Variants in TSPEAR observed in about 807,000 individuals in gnomAD.
TSPEAR encodes thrombospondin type laminin G domain and EAR repeats, also known as thrombospondin-type laminin G domain and EAR repeat-containing protein.
A neutral mutation model predicts 71.6 loss-of-function variants in TSPEAR; 69 were observed. The observed-to-expected ratio is 0.96, with a 90% CI of 0.79 to 1.18. TSPEAR has a LOEUF of 1.18. Ranked by LOEUF, TSPEAR falls within the 50% of genes most tolerant of loss-of-function variation. The probability of loss-of-function intolerance (pLI) is 0.00; values close to 1 mark genes in which losing one functional copy is unlikely to be tolerated. For synonymous variants in TSPEAR, 402 were observed against 387.2 expected, an observed-to-expected ratio of 1.04 and a Z score of -0.45; for missense variants, 971 against 894.9, an observed-to-expected ratio of 1.09 and a Z score of -1.09.
At chr21:44,585,012 G>T (rs1979246600) in intron 1 of TSPEAR, among the ~76,000 whole-genome samples, 1 of 152,104 alleles carries the variant, frequency 6.6e-6, no homozygotes, top group South Asian at 2.1e-4. Flanking sequence ...TTTAATGTCT[G>T]CTTATTTTTA....
chr21:44,667,829 A>G (rs1198524096), intron 1 of TSPEAR, among the ~76,000 whole-genome samples: 1 of 152,214 alleles, frequency 6.6e-6, no homozygotes, highest in East Asian at 1.9e-4. Context: ...TGATCATCTC[A>G]ATTGATATAG....
At chr21:44,539,079 C>T (rs2053149574) in intron 2 of TSPEAR, 1 of 719,774 alleles carries the variant, frequency 1.4e-6, no homozygotes, top group Non-Finnish European at 2.2e-6. Context: ...GGAGGGAGGA[C>T]AGGGGACCTA....
At chr21:44,657,239 G>C (rs1985204510) in intron 1 of TSPEAR, among the ~76,000 whole-genome samples, 1 of 151,992 alleles carries the variant, frequency 6.6e-6, no homozygotes, top group African/African-American at 2.4e-5. Context: ...TTTATTCATT[G>C]CCCACTGCTA....
At chr21:44,696,952 C>T (rs1555950608) in intron 1 of TSPEAR, among the ~76,000 whole-genome samples, 1 of 152,150 alleles carries the variant, frequency 6.6e-6, no homozygotes, top group African/African-American at 2.4e-5. Context: ...ACAACACACA[C>T]ACCCTTGAGA....
At chr21:44,697,670 T>C (rs1555950919) in intron 1 of TSPEAR, 1 of 1,613,144 alleles carries the variant, frequency 6.2e-7, no homozygotes. Flanking sequence ...GCCCGTCTGC[T>C]GCAAGCCCAT....
At chr21:44,590,695 G>A (rs1442661939) in intron 1 of TSPEAR, among the ~76,000 whole-genome samples, 2 of 152,182 alleles carry the variant, frequency 1.3e-5, no homozygotes, top group Non-Finnish European at 2.9e-5. Flanking sequence ...GCTGGCTGGA[G>A]CTAGGCCCCG....
At chr21:44,663,603 A>G (rs1985607916) in intron 1 of TSPEAR, among the ~76,000 whole-genome samples, 1 of 152,146 alleles carries the variant, frequency 6.6e-6, no homozygotes, top group Admixed American at 6.5e-5. Context: ...TTAAATTCAT[A>G]GAGCCAGCAT....
chr21:44,675,438 G>T (rs902775988), intron 1 of TSPEAR, among the ~76,000 whole-genome samples: 4 of 152,012 alleles, frequency 2.6e-5, no homozygotes, highest in Middle Eastern at 3.2e-3. Flanking sequence ...AATAATAAAG[G>T]CCATGTATGA....
chr21:44,586,685 AT>A (rs35346199), intron 1 of TSPEAR, among the ~76,000 whole-genome samples: 143,652 of 151,984 alleles, frequency 0.95, 68,040 homozygotes, highest in Non-Finnish European at 0.97. Context: ...AGATTTGCCC[AT>A]TCTGAGCCTT....
chr21:44,612,246 G>A lies in TSPEAR; in HGVS notation c.83-44241C>T. On this transcript the variant is annotated intron_variant, in intron 1 of 11. Coordinates refer to ENST00000323084, the MANE Select transcript of TSPEAR (RefSeq NM_144991.3). This position sits in a 1 kb window ranked among gnomAD's most constrained non-coding sequence, Gnocchi z 4.1. ...TGGCAGGTGGACAATTGCCAGGAAA[G>A]CTGCTGCGAGCCCCGCTCCTGTGCC... 1.9e-6 allele frequency: 3 copies of A among 1,613,656 alleles called. No homozygotes were observed. The highest frequency in any genetic ancestry group is 2.2e-5 in the East Asian group (1 of 44,882).
chr21:44,702,881 T>A, intron 1 of TSPEAR: 2 of 708,440 alleles, frequency 2.8e-6, no homozygotes, highest in Non-Finnish European at 4.8e-6. Flanking sequence ...CACGCACTAG[T>A]ACACACCGCA....
chr21:44,586,726 T>C (rs587671036), intron 1 of TSPEAR, among the ~76,000 whole-genome samples: 6 of 152,276 alleles, frequency 3.9e-5, no homozygotes, highest in African/African-American at 1.2e-4. Context: ...CCAGGTTTCG[T>C]ACCAGGGATG....
rs182197487 is a variant in TSPEAR, at chr21:44,555,965, A to G, written c.303+11820T>C. Among the ~76,000 whole-genome samples, 7 of 152,382 alleles carry G rather than the reference A, an allele frequency of 4.6e-5. No homozygotes were observed. In the East Asian group the frequency reaches 7.7e-4, roughly 17 times the overall value. On this transcript the variant is annotated intron_variant, in intron 2 of 11. Coordinates refer to ENST00000323084, the MANE Select transcript of TSPEAR (RefSeq NM_144991.3). ...TGCCATCGAAACTGCAAAGGAGTAA[A>G]TGACTGCTGGGACAAGTTAATAGAT...
chr21:44,604,892 A>AT (rs1981212477), intron 1 of TSPEAR, among the ~76,000 whole-genome samples: 1 of 152,148 alleles, frequency 6.6e-6, no homozygotes, highest in Non-Finnish European at 1.5e-5. Flanking sequence ...ACATTTATTG[A>AT]TTTATATATG....
chr21:44,657,200 T>C (rs1985201154), intron 1 of TSPEAR, among the ~76,000 whole-genome samples: 1 of 152,248 alleles, frequency 6.6e-6, no homozygotes, highest in Admixed American at 6.5e-5. Context: ...TATGGAATTA[T>C]TTCATGCATT....
At chr21:44,668,134 C>T (rs1385549294) in intron 1 of TSPEAR, among the ~76,000 whole-genome samples, 6 of 152,154 alleles carry the variant, frequency 3.9e-5, no homozygotes, top group African/African-American at 1.2e-4. Flanking sequence ...TCACAGATGA[C>T]ATGATTTTTA....
At chr21:44,699,091 G>T (rs554873340) in intron 1 of TSPEAR, among the ~76,000 whole-genome samples, 1 of 152,154 alleles carries the variant, frequency 6.6e-6, no homozygotes, top group East Asian at 1.9e-4. Context: ...CCACCTACCC[G>T]GGAAGCGGAA....
intron 2 of TSPEAR, 140 bp from the exon 3 acceptor site, chr21:44,534,063 G>A (rs940853715): frequency 1.5e-4 from 98 of 646,570 alleles, no homozygotes; most frequent in Admixed American, 7.7e-4. Flanking sequence ...GTGAGGGGGC[G>A]CGGTGGATGG....
intron 1 of TSPEAR, chr21:44,677,161 G>C (rs1284396405): frequency 1.4e-6 from 1 of 715,456 alleles, no homozygotes; most frequent in Non-Finnish European, 2.6e-6. Flanking sequence ...TTTATATGAG[G>C]CTTGGCCCCA....
Sources: gnomAD v4.1 joint callset for allele counts (sites outside exome capture counted in the v4.1 genomes callset) on GRCh38, gnomAD v4.1.1 for gene constraint, Gnocchi (gnomAD v3.1) non-coding constraint, MANE v1.5 for transcripts, NCBI Gene and HGNC (gene_info 2026-07-23, HGNC 2026-07-21) for gene names.